The following ITGA2B variants were observed in gnomAD, a reference collection of about 807,000 sequenced individuals.
ITGA2B encodes the protein integrin alpha-IIb.
ITGA2B carries 91 observed loss-of-function variants against 142.0 expected under a neutral mutation model. The observed-to-expected ratio is 0.64, with a 90% confidence interval of 0.54 to 0.76. ITGA2B has a LOEUF of 0.76. Ranked by LOEUF, ITGA2B falls within the 30% of genes least tolerant of loss-of-function variation. The probability of loss-of-function intolerance (pLI) is 0.00; values close to 1 mark genes in which losing one functional copy is unlikely to be tolerated. For synonymous variants in ITGA2B, 536 were observed against 567.2 expected, an observed-to-expected ratio of 0.94 and a Z score of 0.78; for missense variants, 1,231 against 1,350.8, an observed-to-expected ratio of 0.91 and a Z score of 1.39.
intron 21 of ITGA2B, 32 bp downstream of exon 21, chr17:44,377,666 G>A (rs2048556867): frequency 6.5e-7 from 1 of 1,545,192 alleles, no homozygotes; most frequent in Non-Finnish European, 8.9e-7. Flanking sequence ...AGCCCCTGGT[G>A]GAGACCCGGT....
At chr17:44,385,137 G>C in intron 6 of ITGA2B, 27 bp downstream of exon 6, 1 of 1,614,156 alleles carries the variant, frequency 6.2e-7, no homozygotes, top group African/African-American at 1.3e-5. Flanking sequence ...CGCGAGAAGG[G>C]AGGGAGGTGT....
intron 28 of ITGA2B, 40 bp from the exon 29 acceptor site, chr17:44,374,510 C>A (rs755991165): frequency 1.3e-6 from 2 of 1,588,388 alleles, no homozygotes; most frequent in South Asian, 1.1e-5. Flanking sequence ...CACCTTGACA[C>A]CTGCCTTTCA....
chr17:44,385,871 G>C lies in ITGA2B; in HGVS notation c.361C>G (p.Arg121Gly). The change falls in exon 3 of 30, where the codon CGC (arginine) becomes GGC (glycine). Residue 121 changes from arginine to glycine, a missense_variant. By Grantham distance (125) the Arg-to-Gly change is moderately radical. Transcript: ENST00000262407. ...ACGACCGACGCCCCCAGTCCTTGGC[G>C]GGCCTTGAAGGTTTGTAAAGTTTGG... ...GSQTLQTFKA[R>G]QGLGASVVSW... 2 of 1,606,708 alleles carry C rather than the reference G, an allele frequency of 1.2e-6. No homozygotes were observed. The highest frequency in any genetic ancestry group is 3.4e-5 in the Admixed American group (2 of 58,808).
Position 44,385,330 on chromosome 17 carries a change from C to T in ITGA2B, c.580G>A (p.Asp194Asn), listed in dbSNP as rs1477253720. 3 of 1,611,208 alleles carry T rather than the reference C, an allele frequency of 1.9e-6. No individual in the cohort carries two copies. The change falls in exon 5 of 30, where the codon GAC becomes AAC. Residue 194 changes from aspartate (D) to asparagine (N), a missense_variant. By Grantham distance (23) the Asp-to-Asn change is conservative (BLOSUM62 1). This residue lies in a region of ITGA2B where 318 missense variants were observed against 312.2 expected (regional missense o/e 1.02). Coordinates refer to ENST00000262407, the MANE Select transcript of ITGA2B (RefSeq NM_000419.5). ...AAGCCCGCTTCACAGTAACGCTTGT[C>T]CCAGCCTGCAGGAGACAAGGAGGAG... ...RIYVENDFSWDKRYCEAGFSS... is the reference protein window; with the variant it reads ...RIYVENDFSWNKRYCEAGFSS...
At chr17:44,384,278 G>A in intron 9 of ITGA2B, 33 bp downstream of exon 9, 1 of 1,612,652 alleles carries the variant, frequency 6.2e-7, no homozygotes, top group Non-Finnish European at 8.5e-7. Flanking sequence ...TGGGATAAGG[G>A]GCTTCGGGAG....
intron 29 of ITGA2B, chr17:44,374,098 G>T (rs2048518364): frequency 6.6e-6 from 3 of 457,680 alleles, no homozygotes; most frequent in Non-Finnish European, 1.2e-5. Flanking sequence ...TAGAGATGGG[G>T]TTTCACCATG....
chr17:44,384,908 T>TTG, intron 7 of ITGA2B, 40 bp downstream of exon 7: 1 of 1,612,586 alleles, frequency 6.2e-7, no homozygotes. Context: ...CGGTGGGCGG[T>TTG]GACCCTCGGG....
At chr17:44,384,505 C>T in intron 8 of ITGA2B, 33 bp downstream of exon 8, 1 of 1,613,928 alleles carries the variant, frequency 6.2e-7, no homozygotes, top group Non-Finnish European at 8.5e-7. Context: ...CCGGGCTGGG[C>T]TACCCAACTC....
chr17:44,386,211 G>T, intron 1 of ITGA2B, 80 bp from the exon 2 acceptor site: 2 of 1,534,538 alleles, frequency 1.3e-6, no homozygotes. Flanking sequence ...AGCACTGCCC[G>T]GAAGGCCATG....
chr17:44,383,620 C>CAAAT lies in ITGA2B; in HGVS notation c.1079_1082dup (p.Leu363ValfsTer43). 6.2e-7 allele frequency: 1 copy of CAAAT among 1,607,188 alleles called. No homozygotes were observed. Among genetic ancestry groups the CAAAT allele is most frequent in the South Asian group, 1.1e-5 (1 of 89,580 alleles). On this transcript the variant is annotated frameshift_variant, in exon 12 of 30. Coordinates refer to ENST00000262407, the MANE Select transcript of ITGA2B (RefSeq NM_000419.5). LOFTEE classifies it high-confidence loss of function. ...CGTGGGGGCCTCGCGGCTGCAGGAA[C>CAAAT]AAATACACACGCCCCACTTCGGCCA... is the stretch of plus-strand genomic sequence containing the variant.
At chr17:44,380,668 C>CAGAATTGGCGATT in intron 13 of ITGA2B, 23 bp from the exon 14 acceptor site, 1 of 1,614,156 alleles carries the variant, frequency 6.2e-7, no homozygotes, top group Non-Finnish European at 8.5e-7. Context: ...AGGAATGGGT[C>CAGAATTGGCGATT]AGAATTGGCG....
Position 44,385,164 on chromosome 17 carries a change from C to G in ITGA2B, c.670G>C (p.Gly224Arg). 6.2e-7 allele frequency: 1 copy of G among 1,614,042 alleles called. No individual in the cohort carries two copies. The highest frequency in any genetic ancestry group is 8.5e-7 in the Non-Finnish European group (1 of 1,180,018). ...LGAPGGYYFL[G>R]LLAQAPVADI... ...GGGAGGTGTACGGATGGGCACGTACCTAAGAAATAATAGCCGCCAGGAGCC... is the reference window on the plus strand; with the variant it reads ...GGGAGGTGTACGGATGGGCACGTACGTAAGAAATAATAGCCGCCAGGAGCC... Residue 224 changes from glycine (G) to arginine (R), a missense_variant and splice_region_variant, in exon 6 of 30, where the codon GGT becomes CGT. Transcript: ENST00000262407.
chr17:44,387,889 GA>G (rs1485851929), intron 1 of ITGA2B, among the ~76,000 whole-genome samples: 1 of 140,880 alleles, frequency 7.1e-6, no homozygotes, highest in Non-Finnish European at 1.5e-5. Context: ...CAGAGTTGAT[GA>G]AAGAGGGCTG....
rs1464304379 is a variant in ITGA2B, at chr17:44,376,344, A to G, written c.2312T>C (p.Val771Ala). The G allele has an allele frequency of 6.2e-7, 1 of 1,614,068 alleles. No homozygotes were observed. The highest frequency in any genetic ancestry group is 1.3e-5 in the African/African-American group (1 of 74,920). ...CACTTGGGCCTCTGCCCGGACCGGC[A>G]CGTCCAGCAGCACAATCTTGCTGTT... ...NPNSKIVLLD[V>A]PVRAEAQVEL... The change falls in exon 23 of 30, where the codon GTG becomes GCG. Residue 771 changes from valine (V) to alanine (A), a missense_variant. By Grantham distance (64) the Val-to-Ala change is moderately conservative. Transcript: ENST00000262407.
chr17:44,380,139 G>A lies in ITGA2B; in HGVS notation c.1615C>T (p.Leu539=). 1 of 1,613,780 alleles carries A rather than the reference G, an allele frequency of 6.2e-7. No individual in the cohort carries two copies. Among genetic ancestry groups the A allele is most frequent in the Non-Finnish European group, 8.5e-7 (1 of 1,179,978 alleles). Residue 539 remains leucine (L), a synonymous_variant, in exon 17 of 30, where the codon CTG becomes TTG. Coordinates refer to ENST00000262407, the MANE Select transcript of ITGA2B (RefSeq NM_000419.5). ...CGGGGCTTCTGCCGGTCCAGCTGCA[G>A]CTCGGCATTTAGGGCTGGCAGGGCA... ...IPQKLSLNAE[L]QLDRQKPRQG...
chr17:44,377,098 G>T lies in ITGA2B; in HGVS notation c.2188-10C>A. On this transcript the variant is annotated splice_polypyrimidine_tract_variant and intron_variant, in intron 21 of 29. Transcript: ENST00000262407. ...ACATCGCGATTCCTATCTGGGAGAT[G>T]AGGAGGGCCAAGGTCACTGCCCAAG... 1 of 1,560,872 alleles carries T rather than the reference G, an allele frequency of 6.4e-7. No individual in the cohort carries two copies.
intron 1 of ITGA2B, among the ~76,000 whole-genome samples, chr17:44,387,970 C>T (rs2143500398): frequency 6.6e-6 from 1 of 152,022 alleles, no homozygotes; most frequent in South Asian, 2.1e-4. Flanking sequence ...ATTGATCAGA[C>T]ACTGGATGTG....
At chr17:44,380,749 C>T in intron 13 of ITGA2B, 104 bp from the exon 14 acceptor site, 2 of 1,589,254 alleles carry the variant, frequency 1.3e-6, no homozygotes, top group South Asian at 2.2e-5. Flanking sequence ...GGAGGTTTCA[C>T]CCAGCCCCTC....
rs1421900502 is a variant in ITGA2B, at chr17:44,378,380, C to T, written c.2076G>A (p.Arg692=). 1 of 1,612,488 alleles carries T rather than the reference C, an allele frequency of 6.2e-7. No homozygotes were observed. The highest frequency in any genetic ancestry group is 8.5e-7 in the Non-Finnish European group (1 of 1,179,836). ...VHLPQGAHYM[R]ALSNVEGFER... is the part of the protein sequence containing the mutation. ...GCCATACCTCGACATTGCTTAGGGC[C>T]CGCATGTAGTGGGCGCCCTGGGGCA... is the stretch of plus-strand genomic sequence containing the variant. The change falls in exon 20 of 30, where the codon CGG becomes CGA. Residue 692 remains arginine, a synonymous_variant. Coordinates refer to ENST00000262407, the MANE Select transcript of ITGA2B (RefSeq NM_000419.5).
Sources: gnomAD v4.1 joint callset for allele counts (sites outside exome capture counted in the v4.1 genomes callset) on GRCh38, gnomAD v4.1.1 for gene constraint, gnomAD v4.1.1 regional missense constraint, MANE v1.5 for transcripts, NCBI Gene and HGNC (gene_info 2026-07-23, HGNC 2026-07-21) for gene names.